The following RAB3C variants were observed in gnomAD, a reference collection of about 807,000 sequenced individuals.
RAB3C encodes the protein ras-related protein Rab-3C.
RAB3C carries 17 observed loss-of-function variants against 26.4 expected under a neutral mutation model. The observed-to-expected ratio is 0.64, with a 90% CI of 0.44 to 0.97. The LOEUF is 0.97. Ranked by LOEUF, RAB3C falls within the 50% of genes least tolerant of loss-of-function variation. The pLI is 0.00. For missense variants in RAB3C, 242 were observed against 281.9 expected (o/e 0.86, Z 1.01); for synonymous variants, 91 against 95.9 (o/e 0.95, Z 0.30).
intron 3 of RAB3C, among the ~76,000 whole-genome samples, chr5:58,763,564 C>T (rs1175064803): frequency 6.6e-6 from 1 of 152,182 alleles, no homozygotes; most frequent in Non-Finnish European, 1.5e-5. Context: ...CTGATGATGT[C>T]ATCAAATGCA....
At chr5:58,834,096 T>C (rs1579944534) in intron 4 of RAB3C, among the ~76,000 whole-genome samples, 1 of 152,256 alleles carries the variant, frequency 6.6e-6, no homozygotes, top group East Asian at 1.9e-4. Flanking sequence ...TTGTTAACCT[T>C]CTTTTTAGCA....
chr5:58,837,155 G>T (rs1039799878), intron 4 of RAB3C, among the ~76,000 whole-genome samples: 4 of 151,988 alleles, frequency 2.6e-5, no homozygotes, highest in Admixed American at 2.6e-4. Context: ...AACATTTTTT[G>T]ATACATTCAC....
intron 3 of RAB3C, among the ~76,000 whole-genome samples, chr5:58,820,936 G>A (rs1193125403): frequency 6.6e-6 from 1 of 152,208 alleles, no homozygotes; most frequent in East Asian, 1.9e-4. Context: ...ATACTCGGAT[G>A]TGTTTAGTGG....
rs57733643 is a variant in RAB3C at position 58,851,738 on chromosome 5, T to TTGTGTGTGTGTGTG, written c.*402_*415dup. 2.6e-5 allele frequency: 4 copies of TTGTGTGTGTGTGTG among 152,416 alleles called. No homozygotes were observed. Among genetic ancestry groups the TTGTGTGTGTGTGTG allele is most frequent in the African/African-American group, 9.9e-5 (4 of 40,526 alleles). 9.4% of individuals were successfully genotyped at this position (152,416 alleles called of 1,614,324 possible). The stretch of plus-strand genomic sequence containing the variant: ...GTAGGAATGATGACCAAGGAATTGC[T>TTGTGTGTGTGTGTG]TGTGTGTGTGTGTGTGTGTGTGTGT... On this transcript the variant is annotated 3_prime_UTR_variant, in exon 5 of 5. Transcript: ENST00000282878.
chr5:58,791,471 C>T (rs1201386217), intron 3 of RAB3C, among the ~76,000 whole-genome samples: 4 of 152,146 alleles, frequency 2.6e-5, no homozygotes, highest in African/African-American at 9.7e-5. Flanking sequence ...AGAAAGAGAT[C>T]TCATCCATCT....
chr5:58,596,061 C>A (rs1746240466), intron 1 of RAB3C, among the ~76,000 whole-genome samples: 1 of 152,024 alleles, frequency 6.6e-6, no homozygotes, highest in South Asian at 2.1e-4. Flanking sequence ...GGACTTTCAA[C>A]CAATTCTCTT....
chr5:58,588,262 G>A (rs1235512882), intron 1 of RAB3C, among the ~76,000 whole-genome samples: 1 of 152,032 alleles, frequency 6.6e-6, no homozygotes, highest in Non-Finnish European at 1.5e-5. Context: ...TATATATTAA[G>A]CTTTATAAGA....
At chr5:58,594,768 A>G (rs972575315) in intron 1 of RAB3C, among the ~76,000 whole-genome samples, 2 of 150,444 alleles carry the variant, frequency 1.3e-5, no homozygotes, top group Non-Finnish European at 3.0e-5. Context: ...ATGTTTTGAT[A>G]TTTTTTAAAT....
At chr5:58,823,092 A>T in intron 3 of RAB3C, 1 of 497,298 alleles carries the variant, frequency 2.0e-6, no homozygotes, top group Non-Finnish European at 3.9e-6. Context: ...GCAGAAGCGC[A>T]TGGGAAACAC....
At chr5:58,667,547 A>C (rs1452230819) in intron 2 of RAB3C, among the ~76,000 whole-genome samples, 1 of 152,086 alleles carries the variant, frequency 6.6e-6, no homozygotes, top group Non-Finnish European at 1.5e-5. Flanking sequence ...GAGTATATTA[A>C]TTTGCTTAAG....
intron 1 of RAB3C, among the ~76,000 whole-genome samples, chr5:58,611,257 C>T (rs764412558): frequency 7.4e-5 from 10 of 135,818 alleles, no homozygotes; most frequent in Admixed American, 7.5e-5. Flanking sequence ...GTGGTGAGAT[C>T]GCTGGGTCTA....
At chr5:58,837,507 G>A (rs1579946321) in intron 4 of RAB3C, among the ~76,000 whole-genome samples, 2 of 148,648 alleles carry the variant, frequency 1.3e-5, no homozygotes, top group South Asian at 4.3e-4. Flanking sequence ...TTTGAGAAAT[G>A]CCTGTTATTG....
At chr5:58,638,019 G>C (rs748748655) in intron 2 of RAB3C, among the ~76,000 whole-genome samples, 1 of 151,704 alleles carries the variant, frequency 6.6e-6, no homozygotes, top group African/African-American at 2.4e-5. Context: ...GATTATTTTT[G>C]TCATTATAAA....
At chr5:58,786,176 C>T (rs1218800211) in intron 3 of RAB3C, among the ~76,000 whole-genome samples, 1 of 152,160 alleles carries the variant, frequency 6.6e-6, no homozygotes, top group Non-Finnish European at 1.5e-5. Context: ...GATATTAATC[C>T]ACAACTCAGG....
At chr5:58,822,306 G>A (rs1743360998) in intron 3 of RAB3C, among the ~76,000 whole-genome samples, 1 of 152,108 alleles carries the variant, frequency 6.6e-6, no homozygotes, top group Non-Finnish European at 1.5e-5. Flanking sequence ...AGTGATCTTG[G>A]GCAATTAACC....
At chr5:58,595,815 G>A (rs1746234020) in intron 1 of RAB3C, among the ~76,000 whole-genome samples, 1 of 152,108 alleles carries the variant, frequency 6.6e-6, no homozygotes, top group African/African-American at 2.4e-5. Context: ...GCCAAGAAAT[G>A]ATGAGAAACC....
At chr5:58,630,605 C>G (rs1005516945) in intron 2 of RAB3C, among the ~76,000 whole-genome samples, 3 of 152,228 alleles carry the variant, frequency 2.0e-5, no homozygotes, top group Middle Eastern at 3.4e-3. Context: ...CCTTATTCAA[C>G]CTGTTGCTGT....
In RAB3C at chr5:58,745,392, C is replaced by CAAAAAAA. The variant is rs1173604247; in HGVS notation, c.371+19293_371+19299dup. On this transcript the variant is annotated intron_variant, in intron 3 of 4. Transcript: ENST00000282878. ...GCCTGGGCTGAGCGAGACTCTGCTT[C>CAAAAAAA]AAAAAAAAAAAAAAAAAAAAAAAAA... 1.8e-3 allele frequency among the ~76,000 whole-genome samples: 59 copies of CAAAAAAA among 33,090 alleles called. 4 individuals carry two copies. The highest frequency in any genetic ancestry group is 5.0e-3 in the African/African-American group (54 of 10,756). 21.7% of individuals were successfully genotyped at this position (33,090 alleles called of 152,430 possible).
At chr5:58,716,397 A>T (rs1207032572) in intron 2 of RAB3C, among the ~76,000 whole-genome samples, 1 of 152,136 alleles carries the variant, frequency 6.6e-6, no homozygotes, top group Non-Finnish European at 1.5e-5. Context: ...CTTCTTCACT[A>T]TTCAACCTAA....
Sources: allele counts gnomAD v4.1 joint callset (sites outside exome capture counted in the v4.1 genomes callset), GRCh38; gene constraint gnomAD v4.1.1; transcripts MANE v1.5; gene names NCBI Gene and HGNC (gene_info 2026-07-23, HGNC 2026-07-21).